GPR39: variants seen among roughly 807,000 people sequenced by gnomAD.
GPR39 encodes G protein-coupled receptor 39, also known as zinc sensing receptor.
Under a neutral mutation model 18.4 loss-of-function variants are expected in GPR39, and 23 were observed. The observed-to-expected ratio is 1.25, with a 90% confidence interval of 0.90 to 1.77. GPR39 has a LOEUF of 1.77. GPR39 is among the 40% of genes most tolerant of loss of function. GPR39 has a pLI of 0.00. For synonymous variants in GPR39, 280 were observed against 257.9 expected (o/e 1.09, Z -0.82); for missense variants, 647 against 602.4 (o/e 1.07, Z -0.78).
At chr2:132,611,469 G>T (rs927595276) in intron 1 of GPR39, among the ~76,000 whole-genome samples, 1 of 152,164 alleles carries the variant, frequency 6.6e-6, no homozygotes, top group Non-Finnish European at 1.5e-5. Context: ...AAATTTAGGC[G>T]AGAAATCAGT....
intron 1 of GPR39, among the ~76,000 whole-genome samples, chr2:132,614,502 G>C (rs1681297439): frequency 6.6e-6 from 1 of 152,014 alleles, no homozygotes; most frequent in Non-Finnish European, 1.5e-5. Context: ...GCCTCCCAAA[G>C]TTCTGGGATT....
chr2:132,535,882 G>A (rs187681923), intron 1 of GPR39, among the ~76,000 whole-genome samples: 1 of 151,468 alleles, frequency 6.6e-6, no homozygotes, highest in East Asian at 1.9e-4. Flanking sequence ...TCTGCTGGTA[G>A]TTTGTATTTC....
intron 1 of GPR39, among the ~76,000 whole-genome samples, chr2:132,518,898 T>C (rs1167240936): frequency 6.6e-6 from 1 of 152,240 alleles, no homozygotes; most frequent in East Asian, 1.9e-4. Context: ...TCCAGTACTC[T>C]AGCCTCCTTT....
intron 1 of GPR39, among the ~76,000 whole-genome samples, chr2:132,530,578 A>T (rs912209170): frequency 6.6e-6 from 1 of 152,214 alleles, no homozygotes; most frequent in South Asian, 2.1e-4. Context: ...GAAATGAAGG[A>T]AAAAATGTTA....
chr2:132,612,375 CTG>C (rs138440202), intron 1 of GPR39, among the ~76,000 whole-genome samples: 5,746 of 151,948 alleles, frequency 0.038, 367 homozygotes, highest in African/African-American at 0.13. Flanking sequence ...TTTTTTGACA[CTG>C]TGGTTTTAAT....
At chr2:132,591,252 C>T (rs796875486) in intron 1 of GPR39, among the ~76,000 whole-genome samples, 140 of 115,350 alleles carry the variant, frequency 1.2e-3, no homozygotes, top group African/African-American at 4.8e-3. Flanking sequence ...AGCGAGACTC[C>T]GTCTCAAAAA....
At chr2:132,571,920 A>C (rs1680445531) in intron 1 of GPR39, among the ~76,000 whole-genome samples, 1 of 152,206 alleles carries the variant, frequency 6.6e-6, no homozygotes, top group Non-Finnish European at 1.5e-5. Context: ...TAGGGAGGGC[A>C]ATGGCTTCCA....
intron 1 of GPR39, among the ~76,000 whole-genome samples, chr2:132,532,541 A>G (rs1679660815): frequency 6.6e-6 from 1 of 152,162 alleles, no homozygotes; most frequent in African/African-American, 2.4e-5. Context: ...AGACACAACC[A>G]AAAAAGAGAA....
chr2:132,588,124 A>C (rs967580092), intron 1 of GPR39, among the ~76,000 whole-genome samples: 7 of 152,064 alleles, frequency 4.6e-5, no homozygotes, highest in Non-Finnish European at 8.8e-5. Context: ...AAGAAGGGAA[A>C]AGGTGTTTGC....
At chr2:132,612,536 G>C (rs1681255222) in intron 1 of GPR39, among the ~76,000 whole-genome samples, 1 of 152,102 alleles carries the variant, frequency 6.6e-6, no homozygotes, top group African/African-American at 2.4e-5. Context: ...GTCAGGTTAG[G>C]CACAAATTAA....
chr2:132,561,018 A>T (rs1160886035), intron 1 of GPR39, among the ~76,000 whole-genome samples: 1 of 150,036 alleles, frequency 6.7e-6, no homozygotes, highest in Non-Finnish European at 1.5e-5. Context: ...GGCTCAAGTG[A>T]TTCTTCTGCC....
intron 1 of GPR39, among the ~76,000 whole-genome samples, chr2:132,539,326 A>G (rs1336167933): frequency 6.6e-6 from 1 of 152,078 alleles, no homozygotes; most frequent in African/African-American, 2.4e-5. Flanking sequence ...CACTTCCCAG[A>G]TGAAGTGACG....
chr2:132,478,627 T>C (rs1406824651), intron 1 of GPR39, among the ~76,000 whole-genome samples: 1 of 152,254 alleles, frequency 6.6e-6, no homozygotes, highest in Non-Finnish European at 1.5e-5. Context: ...AACTGGTGTC[T>C]GACATCTTCC....
At chr2:132,638,655 CAGA>C (rs1173032970) in intron 1 of GPR39, among the ~76,000 whole-genome samples, 1 of 152,212 alleles carries the variant, frequency 6.6e-6, no homozygotes, top group African/African-American at 2.4e-5. Flanking sequence ...AGCTGACTTG[CAGA>C]AGCAGATTGC....
chr2:132,491,501 T>C (rs2104795555), intron 1 of GPR39, among the ~76,000 whole-genome samples: 1 of 152,064 alleles, frequency 6.6e-6, no homozygotes, highest in Admixed American at 6.5e-5. Flanking sequence ...TGGGATACAA[T>C]AGAAGTGTGG....
intron 1 of GPR39, among the ~76,000 whole-genome samples, chr2:132,449,617 C>A (rs1157872851): frequency 6.6e-6 from 1 of 152,180 alleles, no homozygotes; most frequent in Non-Finnish European, 1.5e-5. Flanking sequence ...GGCTTCTCAT[C>A]AGCCCTTTTT....
In GPR39 at chr2:132,468,147, A is replaced by G. The variant is rs1680965247; in HGVS notation, c.856+50249A>G. On this transcript the variant is annotated intron_variant, in intron 1 of 1. Transcript: ENST00000329321. ...TAATATTTGTGCAGGTCCCATGAAAATAAACAATCTCCAAAATTGAACTTG... is the reference window on the plus strand; with the variant it reads ...TAATATTTGTGCAGGTCCCATGAAAGTAAACAATCTCCAAAATTGAACTTG... Among the ~76,000 whole-genome samples the G allele has an allele frequency of 2.0e-5, 3 of 152,194 alleles. No individual in the cohort carries two copies. In the South Asian group the frequency reaches 6.2e-4, roughly 31 times the overall value.
At chr2:132,575,162 T>C (rs1033512263) in intron 1 of GPR39, among the ~76,000 whole-genome samples, 14 of 152,312 alleles carry the variant, frequency 9.2e-5, no homozygotes, top group African/African-American at 2.6e-4. Flanking sequence ...TATGATGCCA[T>C]GGTATTCTAT....
In GPR39 at chr2:132,645,701, G is replaced by A. The variant is rs1178563326; in HGVS notation, c.*95G>A. On this transcript the variant is annotated 3_prime_UTR_variant, in exon 2 of 2. Coordinates refer to ENST00000329321, the MANE Select transcript of GPR39 (RefSeq NM_001508.3). ...AGTCTCAAACTATGCCCCCATCAGG[G>A]ATGGAATGGACACTGGAGGCTTTAC... 4 of 1,481,288 alleles carry A rather than the reference G, an allele frequency of 2.7e-6. No individual in the cohort carries two copies. The highest frequency in any genetic ancestry group is 3.6e-6 in the Non-Finnish European group (4 of 1,104,892). The allele number at this position is 1,481,288 out of a possible 1,614,324, so 91.8% of individuals were successfully genotyped here. A position where few individuals can be genotyped will look rare whatever the true frequency, so the allele number is the denominator to read the frequency against.
Sources: gnomAD v4.1 joint callset for allele counts (sites outside exome capture counted in the v4.1 genomes callset) on GRCh38, gnomAD v4.1.1 for gene constraint, MANE v1.5 for transcripts, NCBI Gene and HGNC (gene_info 2026-07-23, HGNC 2026-07-21) for gene names.